The following NDUFAF2 variants were observed in gnomAD, a reference collection of about 807,000 sequenced individuals.
NDUFAF2 encodes NADH:ubiquinone oxidoreductase complex assembly factor 2.
In NDUFAF2, 13 loss-of-function variants were observed where a neutral mutation model predicts 22.8. The observed-to-expected ratio is 0.57, with a 90% CI of 0.37 to 0.91. NDUFAF2 has a LOEUF of 0.91. NDUFAF2 is among the 40% of genes least tolerant of loss of function. NDUFAF2 has a pLI of 0.01. For missense variants in NDUFAF2, 162 were observed against 195.2 expected (o/e 0.83, Z 1.01); for synonymous variants, 53 against 64.2 (o/e 0.83, Z 0.84).
chr5:61,112,034 G>C (rs1018740648), intron 3 of NDUFAF2, among the ~76,000 whole-genome samples: 8 of 152,130 alleles, frequency 5.3e-5, no homozygotes, highest in Non-Finnish European at 8.8e-5. Flanking sequence ...TGGGATTACA[G>C]GCGTGAGCCA....
chr5:61,063,731 A>G (rs1183229072), intron 1 of NDUFAF2, among the ~76,000 whole-genome samples: 1 of 152,136 alleles, frequency 6.6e-6, no homozygotes, highest in African/African-American at 2.4e-5. Flanking sequence ...ACAAAAAACT[A>G]CAGCAGATAG....
intron 1 of NDUFAF2, among the ~76,000 whole-genome samples, chr5:61,040,661 A>T (rs1751869959): frequency 6.6e-6 from 1 of 152,090 alleles, no homozygotes; most frequent in African/African-American, 2.4e-5. Flanking sequence ...TCAGAACCCC[A>T]CAAGTATTTA....
chr5:61,045,916 T>C (rs961516441), intron 1 of NDUFAF2, among the ~76,000 whole-genome samples: 1 of 152,194 alleles, frequency 6.6e-6, no homozygotes, highest in African/African-American at 2.4e-5. Context: ...AGGAAAAGCT[T>C]TCAACTCTTC....
intron 2 of NDUFAF2, among the ~76,000 whole-genome samples, chr5:61,089,319 C>T (rs1300163887): frequency 6.6e-6 from 1 of 152,086 alleles, no homozygotes; most frequent in African/African-American, 2.4e-5. Flanking sequence ...ATAATGAGGA[C>T]TGATACAGAT....
At chr5:61,014,805 G>A (rs541804481) in intron 1 of NDUFAF2, among the ~76,000 whole-genome samples, 35 of 152,120 alleles carry the variant, frequency 2.3e-4, no homozygotes, top group African/African-American at 8.0e-4. Context: ...TTTTGTTTTG[G>A]CATAATTGTT....
chr5:61,065,862 CAG>C (rs1287872819), intron 1 of NDUFAF2, among the ~76,000 whole-genome samples: 1 of 151,734 alleles, frequency 6.6e-6, no homozygotes, highest in Non-Finnish European at 1.5e-5. Flanking sequence ...AGATAAGAAA[CAG>C]AAATAAAAGG....
chr5:61,148,464 A>T (rs928050395), intron 3 of NDUFAF2, among the ~76,000 whole-genome samples: 2 of 152,228 alleles, frequency 1.3e-5, no homozygotes, highest in African/African-American at 4.8e-5. Context: ...AGATGTGTAC[A>T]AGTTTGCTAT....
At chr5:61,011,080 A>G (rs1751437053) in intron 1 of NDUFAF2, among the ~76,000 whole-genome samples, 1 of 152,146 alleles carries the variant, frequency 6.6e-6, no homozygotes, top group Admixed American at 6.6e-5. Context: ...TGTCCTCCAT[A>G]TCTGCTTTAT....
chr5:61,035,953 A>G (rs527284349), intron 1 of NDUFAF2, among the ~76,000 whole-genome samples: 3 of 152,326 alleles, frequency 2.0e-5, no homozygotes, highest in East Asian at 1.9e-4. Flanking sequence ...TGCATGCTGT[A>G]TTAGATAAAT....
At chr5:61,096,303 A>G (rs1752638444) in intron 2 of NDUFAF2, among the ~76,000 whole-genome samples, 1 of 152,196 alleles carries the variant, frequency 6.6e-6, no homozygotes, top group South Asian at 2.1e-4. Flanking sequence ...AAGGGAGATT[A>G]AAACCTTTGC....
chr5:60,994,318 T>G (rs1468545856), intron 1 of NDUFAF2, among the ~76,000 whole-genome samples: 3 of 152,216 alleles, frequency 2.0e-5, no homozygotes, highest in African/African-American at 7.2e-5. Context: ...TGGGTGGCTG[T>G]AGCTGCACCT....
chr5:60,955,281 A>G (rs1750600406), intron 1 of NDUFAF2, among the ~76,000 whole-genome samples: 1 of 152,192 alleles, frequency 6.6e-6, no homozygotes, highest in Admixed American at 6.5e-5. Flanking sequence ...ATTCCTCTGC[A>G]TGTGGATATC....
chr5:60,951,565 A>G (rs899738363), intron 1 of NDUFAF2, among the ~76,000 whole-genome samples: 1 of 152,218 alleles, frequency 6.6e-6, no homozygotes, highest in African/African-American at 2.4e-5. Flanking sequence ...CCACTTGGTC[A>G]TGATGCATTA....
intron 3 of NDUFAF2, among the ~76,000 whole-genome samples, chr5:61,143,734 A>G (rs1741089624): frequency 6.6e-6 from 1 of 152,136 alleles, no homozygotes; most frequent in African/African-American, 2.4e-5. Flanking sequence ...CTGAGCCTTA[A>G]CTTGCTCTTG....
At position 61,003,007 on chromosome 5, in the gene NDUFAF2, T is replaced by G. The variant is rs185252189; in HGVS notation, c.127+57625T>G. 4.0e-3 allele frequency among the ~76,000 whole-genome samples: 610 copies of G among 152,296 alleles called. 5 individuals carry two copies. Among genetic ancestry groups the G allele is most frequent in the African/African-American group, 0.014 (566 of 41,582 alleles). On this transcript the variant is annotated intron_variant, in intron 1 of 3. Transcript: ENST00000296597. Reference sequence around the variant, plus strand: ...CTTACTCTTTCTTCTGTCTAGTAACTGTAGACCAATAGAACATGAATGGCT... The same window carrying G: ...CTTACTCTTTCTTCTGTCTAGTAACGGTAGACCAATAGAACATGAATGGCT...
intron 2 of NDUFAF2, among the ~76,000 whole-genome samples, chr5:61,081,926 A>G (rs1239803915): frequency 1.3e-5 from 2 of 152,252 alleles, no homozygotes; most frequent in African/African-American, 2.4e-5. Flanking sequence ...AGCAGAAAGC[A>G]TGGCTGAAGG....
intron 1 of NDUFAF2, among the ~76,000 whole-genome samples, chr5:61,040,778 TATAA>T (rs1164252439): frequency 6.6e-6 from 1 of 152,110 alleles, no homozygotes; most frequent in Non-Finnish European, 1.5e-5. Flanking sequence ...GAGACTGGAG[TATAA>T]ATAACTGTAA....
chr5:61,049,607 T>C (rs1190721633), intron 1 of NDUFAF2, among the ~76,000 whole-genome samples: 1 of 152,108 alleles, frequency 6.6e-6, no homozygotes, highest in Non-Finnish European at 1.5e-5. Flanking sequence ...TTCATTCTTC[T>C]TCTCCCCCAC....
chr5:61,081,886 T>G (rs980013933), intron 2 of NDUFAF2, among the ~76,000 whole-genome samples: 4 of 152,234 alleles, frequency 2.6e-5, no homozygotes, highest in Non-Finnish European at 5.9e-5. Flanking sequence ...TAAAATATAT[T>G]TCTTCATCAG....
Sources: allele counts gnomAD v4.1 joint callset (sites outside exome capture counted in the v4.1 genomes callset), GRCh38; gene constraint gnomAD v4.1.1; transcripts MANE v1.5; gene names NCBI Gene and HGNC (gene_info 2026-07-23, HGNC 2026-07-21).